Variants in MCF2 observed in about 807,000 individuals in gnomAD.
MCF2 encodes MCF.2 cell line derived transforming sequence.
Under a neutral mutation model 82.5 loss-of-function variants are expected in MCF2, and 44 were observed. The observed-to-expected ratio is 0.53, with a 90% confidence interval of 0.42 to 0.69. The LOEUF is 0.69. Among genes scored for constraint, MCF2 ranks in the 30% least tolerant of loss-of-function variants. The probability of loss-of-function intolerance (pLI) is 0.00; values close to 1 mark genes in which losing one functional copy is unlikely to be tolerated. For synonymous variants in MCF2, 217 were observed against 224.9 expected, an observed-to-expected ratio of 0.96 and a Z score of 0.32; for missense variants, 623 against 663.1, an observed-to-expected ratio of 0.94 and a Z score of 0.66.
intron 15 of MCF2, 95 bp downstream of exon 19, chrX:139,604,586 T>C: frequency 1.9e-6 from 1 of 533,553 alleles, no homozygotes; most frequent in South Asian, 4.4e-5. Flanking sequence ...CATAAAGACA[T>C]AAAGTACCTA....
At chrX:139,639,514 A>T (rs1933437856) in intron 1 of MCF2, among the ~76,000 whole-genome samples, 1 of 111,025 alleles carries the variant, frequency 9.0e-6, no homozygotes, top group Non-Finnish European at 1.9e-5. Flanking sequence ...CTTCAAGGTA[A>T]CGAGCACAAA....
chrX:139,631,869 C>A (rs916141353), intron 2 of MCF2, among the ~76,000 whole-genome samples: 5 of 111,110 alleles, frequency 4.5e-5, no homozygotes, highest in African/African-American at 9.8e-5. Flanking sequence ...AGGGGCTGAC[C>A]TTTTCAAAAG....
upstream of MCF2, chrX:139,646,943 A>G (rs768379507): frequency 2.5e-5 from 19 of 761,361 alleles, no homozygotes; most frequent in East Asian, 6.3e-4. Context: ...TTAAAAATGT[A>G]TATAACAACG....
intron 2 of MCF2, among the ~76,000 whole-genome samples, chrX:139,648,996 G>A (rs980603936): frequency 7.1e-5 from 8 of 111,993 alleles, no homozygotes; most frequent in African/African-American, 2.3e-4. Flanking sequence ...AGAACAAGTA[G>A]ACAAAGAATT....
intron 16 of MCF2, among the ~76,000 whole-genome samples, chrX:139,602,137 T>A (rs1930600612): frequency 9.0e-6 from 1 of 111,055 alleles, no homozygotes; most frequent in Admixed American, 9.6e-5. Flanking sequence ...TAAATCTTCA[T>A]CTTCCATAGT....
chrX:139,582,301 G>C, exon 25 of MCF2: 1 of 510,808 alleles, frequency 2.0e-6, no homozygotes, highest in South Asian at 2.8e-5. Context: ...ATAATTAAAA[G>C]CTTTATTAAA....
chrX:139,702,269 C>CCTTAAA (rs764594657), intron 1 of MCF2: 21 of 112,244 alleles, frequency 1.9e-4, no homozygotes, highest in Non-Finnish European at 3.8e-4. Flanking sequence ...GAACCCTTTA[C>CCTTAAA]GTCTTTTTTT....
At chrX:139,595,683 T>A (rs1930016935) in intron 19 of MCF2, among the ~76,000 whole-genome samples, 1 of 108,229 alleles carries the variant, frequency 9.2e-6, no homozygotes, top group African/African-American at 3.4e-5. Flanking sequence ...CATATGTAAC[T>A]AACCTGCACA....
chrX:139,593,687 C>G (rs1490287985), intron 19 of MCF2, among the ~76,000 whole-genome samples: 3 of 111,399 alleles, frequency 2.7e-5, no homozygotes, highest in Non-Finnish European at 5.7e-5. Flanking sequence ...GCTTATCCAC[C>G]ATGATCAAGC....
intron 21 of MCF2, 118 bp downstream of exon 25, chrX:139,588,242 C>T: frequency 4.3e-6 from 2 of 463,995 alleles, no homozygotes; most frequent in Non-Finnish European, 7.2e-6. Flanking sequence ...AACAAATCTT[C>T]TCATTGTAAT....
intron 6 of MCF2, among the ~76,000 whole-genome samples, chrX:139,621,746 T>G (rs1212508522): frequency 9.0e-6 from 1 of 111,666 alleles, no homozygotes; most frequent in Non-Finnish European, 1.9e-5. Context: ...GATTAAAGAC[T>G]TACATGTTAG....
chrX:139,639,318 T>A (rs908799603), intron 1 of MCF2, among the ~76,000 whole-genome samples: 5 of 112,054 alleles, frequency 4.5e-5, no homozygotes, highest in African/African-American at 1.6e-4. Flanking sequence ...AAAAATAGTT[T>A]GCACGAGAGA....
intron 1 of MCF2, among the ~76,000 whole-genome samples, chrX:139,636,825 GT>G (rs1157528582): frequency 8.9e-6 from 1 of 111,822 alleles, no homozygotes; most frequent in Non-Finnish European, 1.9e-5. Flanking sequence ...TATGTTGGAT[GT>G]TTATTAAACC....
At chrX:139,625,223 C>T (rs2148480210) in intron 6 of MCF2, among the ~76,000 whole-genome samples, 1 of 110,761 alleles carries the variant, frequency 9.0e-6, no homozygotes, top group African/African-American at 3.3e-5. Context: ...AACCACAGGA[C>T]AAGAATTTGG....
chrX:139,641,252 C>T (rs1933550581), intron 1 of MCF2, among the ~76,000 whole-genome samples: 1 of 108,160 alleles, frequency 9.2e-6, no homozygotes, highest in African/African-American at 3.3e-5. Flanking sequence ...CCTTTGATAA[C>T]AAAAGTGCTA....
In MCF2 at chrX:139,659,845, A is replaced by G. The variant is rs1270736123; in HGVS notation, c.-44-8057T>C. Among the ~76,000 whole-genome samples the G allele has an allele frequency of 2.7e-5, 3 of 112,251 alleles. No homozygotes were observed. In the Admixed American group the frequency reaches 2.8e-4, roughly 11 times the overall value. On this transcript the variant is annotated intron_variant, in intron 1 of 27. Coordinates refer to the MCF2 transcript ENST00000414978. The stretch of plus-strand genomic sequence containing the variant: ...ACCACCAATATGAAAACAGACTGAG[A>G]AAGTGTAGTAAATGAACAATCGCTA...
chrX:139,625,745 C>G (rs1278823186), intron 6 of MCF2, among the ~76,000 whole-genome samples: 1 of 112,013 alleles, frequency 8.9e-6, no homozygotes, highest in African/African-American at 3.2e-5. Context: ...AATTTCATCT[C>G]TCAGGCTTTT....
intron 8 of MCF2, among the ~76,000 whole-genome samples, chrX:139,617,116 G>C (rs753100893): frequency 9.0e-6 from 1 of 111,238 alleles, no homozygotes; most frequent in South Asian, 3.8e-4. Flanking sequence ...ACTATGAAAT[G>C]TGAAAGGAGT....
chrX:139,651,473 A>G (rs1301666056), intron 2 of MCF2, among the ~76,000 whole-genome samples: 2 of 111,648 alleles, frequency 1.8e-5, no homozygotes, highest in Non-Finnish European at 3.8e-5. Flanking sequence ...AGTCAAATGT[A>G]TAAGAGTGGT....
Sources: allele counts gnomAD v4.1 joint callset (sites outside exome capture counted in the v4.1 genomes callset), GRCh38; gene constraint gnomAD v4.1.1; transcripts MANE v1.5; gene names NCBI Gene and HGNC (gene_info 2026-07-23, HGNC 2026-07-21).